The following KIAA0232 variants were observed in gnomAD, a reference collection of about 807,000 sequenced individuals.
KIAA0232 encodes uncharacterized protein KIAA0232.
KIAA0232 carries 27 observed loss-of-function variants against 122.0 expected under a neutral mutation model. That is an observed-to-expected ratio of 0.22 (90% confidence interval 0.16 to 0.31). The LOEUF (loss-of-function observed/expected upper bound fraction) is 0.31. Ranked by LOEUF, KIAA0232 falls within the 10% of genes least tolerant of loss-of-function variation. KIAA0232 has a pLI of 1.00. For missense variants in KIAA0232, 1,551 were observed against 1,634.2 expected, an observed-to-expected ratio of 0.95 and a Z score of 0.88; for synonymous variants, 613 against 587.6, an observed-to-expected ratio of 1.04 and a Z score of -0.63.
chr4:6,853,743 T>G (rs997054940), intron 4 of KIAA0232, among the ~76,000 whole-genome samples: 3 of 152,240 alleles, frequency 2.0e-5, no homozygotes, highest in African/African-American at 7.2e-5. Flanking sequence ...GCCTTTCTTT[T>G]ACTTTACGCT....
rs1720892945 is a variant in KIAA0232, at chr4:6,861,955, G to C, written c.1573G>C (p.Glu525Gln). The C allele has an allele frequency of 1.2e-6, 2 of 1,613,966 alleles. No individual in the cohort carries two copies. The highest frequency in any genetic ancestry group is 2.2e-5 in the South Asian group (2 of 91,080). ...ATCCATGTTGGATCCTGGTGCCTCA[G>C]AAACAATGCAAGGAGAAAGTCGGAT... ...DQSMLDPGAS[E>Q]TMQGESRILN... The change falls in exon 7 of 10, where the codon GAA becomes CAA. Residue 525 changes from glutamate to glutamine, a missense_variant. Physicochemically the swap from Glu to Gln is conservative, Grantham distance 29 (BLOSUM62 2). Coordinates refer to ENST00000307659, the MANE Select transcript of KIAA0232 (RefSeq NM_014743.3).
intron 4 of KIAA0232, among the ~76,000 whole-genome samples, chr4:6,847,803 G>C (rs762146758): frequency 6.6e-6 from 1 of 151,648 alleles, no homozygotes; most frequent in Non-Finnish European, 1.5e-5. Flanking sequence ...TGTTATGACC[G>C]GACCTGGCAT....
At chr4:6,825,910 T>C (rs1178578891) in intron 3 of KIAA0232, among the ~76,000 whole-genome samples, 10 of 152,270 alleles carry the variant, frequency 6.6e-5, no homozygotes, top group South Asian at 6.2e-4. Flanking sequence ...ACAAAAAAAC[T>C]TCAAAGTCCT....
At chr4:6,837,112 C>T (rs193250648) in intron 3 of KIAA0232, among the ~76,000 whole-genome samples, 473 of 150,356 alleles carry the variant, frequency 3.1e-3, no homozygotes, top group Non-Finnish European at 5.0e-3. Context: ...ACCTCCCAGA[C>T]GGGGCAGCGG....
intron 2 of KIAA0232, among the ~76,000 whole-genome samples, chr4:6,818,473 C>T (rs185543508): frequency 6.9e-6 from 1 of 145,902 alleles, no homozygotes; most frequent in African/African-American, 2.5e-5. Flanking sequence ...AGAGAACACT[C>T]CCATTTACAA....
chr4:6,864,278 T>C (rs1327330210), intron 7 of KIAA0232, 95 bp downstream of exon 7: 23 of 1,353,654 alleles, frequency 1.7e-5, no homozygotes, highest in Admixed American at 7.3e-5. Context: ...GGTTAAATTA[T>C]TGGGAAATTA....
chr4:6,810,176 T>C (rs923170238), intron 2 of KIAA0232, among the ~76,000 whole-genome samples: 4 of 152,180 alleles, frequency 2.6e-5, no homozygotes, highest in African/African-American at 9.7e-5. Flanking sequence ...GACTTCAAAT[T>C]ATATTACAAG....
intron 3 of KIAA0232, among the ~76,000 whole-genome samples, chr4:6,836,331 G>GTTTTTT (rs199902844): frequency 7.0e-6 from 1 of 142,640 alleles, no homozygotes; most frequent in African/African-American, 2.7e-5. Flanking sequence ...TTTGTTTTTT[G>GTTTTTT]TTTTGTTTTT....
chr4:6,824,950 G>A (rs1485094391), intron 3 of KIAA0232, among the ~76,000 whole-genome samples: 1 of 152,186 alleles, frequency 6.6e-6, no homozygotes, highest in African/African-American at 2.4e-5. Context: ...TCTTGTCATG[G>A]ACTGGTCATA....
chr4:6,840,458 G>T (rs1310140610), intron 3 of KIAA0232, among the ~76,000 whole-genome samples: 1 of 152,168 alleles, frequency 6.6e-6, no homozygotes, highest in African/African-American at 2.4e-5. Context: ...GACTGCTGGT[G>T]TATTTCCAAG....
At chr4:6,876,527 C>A in intron 8 of KIAA0232, 133 bp from the exon 9 acceptor site, 1 of 628,034 alleles carries the variant, frequency 1.6e-6, no homozygotes, top group Non-Finnish European at 2.8e-6. Flanking sequence ...GACTTAAAAC[C>A]TCCGAAGGGT....
intron 1 of KIAA0232, among the ~76,000 whole-genome samples, chr4:6,797,726 A>G (rs1301378062): frequency 1.4e-5 from 2 of 144,568 alleles, no homozygotes; most frequent in Non-Finnish European, 3.0e-5. Context: ...TGATTGCACT[A>G]CTGTGCTCCA....
At position 6,858,444 on chromosome 4, in the gene KIAA0232, G is replaced by A. The variant is rs1486950034; in HGVS notation, c.456G>A (p.Lys152=). ...QSKQEEKIHK[K]LEGSPSPEAE... ...TAACAGAAGAGAAGATTCACAAAAAGTTAGAGGGGTCTCCCTCTCCAGAGG... is the reference window on the plus strand; with the variant it reads ...TAACAGAAGAGAAGATTCACAAAAAATTAGAGGGGTCTCCCTCTCCAGAGG... Residue 152 remains lysine, a synonymous_variant, in exon 6 of 10, where the codon AAG becomes AAA. Transcript: ENST00000307659. 21 of 1,604,166 alleles carry A rather than the reference G, an allele frequency of 1.3e-5. No homozygotes were observed. Among genetic ancestry groups the A allele is most frequent in the Non-Finnish European group, 1.8e-5 (21 of 1,175,654 alleles).
rs137992039 is a variant in KIAA0232 at position 6,826,346 on chromosome 4, T to C, written c.231+1662T>C. Among the ~76,000 whole-genome samples the C allele has an allele frequency of 3.8e-3, 577 of 152,314 alleles. 2 individuals carry two copies. The highest frequency in any genetic ancestry group is 0.013 in the African/African-American group (549 of 41,548). ...TAATTTCCTTACCAGAGCTCTGTTA[T>C]CATCTTTCTGGTAAATGTCAAATAT... On this transcript the variant is annotated intron_variant, in intron 3 of 9. Coordinates refer to ENST00000307659, the MANE Select transcript of KIAA0232 (RefSeq NM_014743.3).
At chr4:6,809,990 AG>A (rs1717803834) in intron 2 of KIAA0232, among the ~76,000 whole-genome samples, 1 of 152,236 alleles carries the variant, frequency 6.6e-6, no homozygotes, top group Non-Finnish European at 1.5e-5. Flanking sequence ...ATATCATTAA[AG>A]TGACCGTACT....
chr4:6,823,391 A>G (rs1244047407), intron 2 of KIAA0232, among the ~76,000 whole-genome samples: 2 of 152,162 alleles, frequency 1.3e-5, no homozygotes, highest in African/African-American at 4.8e-5. Context: ...TTACAGTCCC[A>G]CCAACAGTGT....
At chr4:6,830,403 C>CTTTTTTTTTTTTTTT (rs10714574) in intron 3 of KIAA0232, among the ~76,000 whole-genome samples, 1 of 75,528 alleles carries the variant, frequency 1.3e-5, no homozygotes, top group Non-Finnish European at 2.8e-5. Flanking sequence ...TCTCTGTTGT[C>CTTTTTTTTTTTTTTT]TTTTTTTTTT....
intron 2 of KIAA0232, among the ~76,000 whole-genome samples, chr4:6,822,403 TGCAA>T (rs1718464859): frequency 6.6e-6 from 1 of 152,214 alleles, no homozygotes; most frequent in African/African-American, 2.4e-5. Flanking sequence ...GATAGATAAA[TGCAA>T]GAAACTCAGT....
intron 1 of KIAA0232, among the ~76,000 whole-genome samples, chr4:6,792,834 T>C (rs1280598451): frequency 6.6e-6 from 1 of 151,810 alleles, no homozygotes; most frequent in Non-Finnish European, 1.5e-5. Context: ...GGACCACAGG[T>C]GCCCACCACC....
Sources: gnomAD v4.1 joint callset for allele counts (sites outside exome capture counted in the v4.1 genomes callset) on GRCh38, gnomAD v4.1.1 for gene constraint, MANE v1.5 for transcripts, NCBI Gene and HGNC (gene_info 2026-07-23, HGNC 2026-07-21) for gene names.